DERA: variants seen among roughly 807,000 people sequenced by gnomAD.
DERA encodes deoxyribose-phosphate aldolase, also known as 2-deoxy-D-ribose 5-phosphate aldolase.
A neutral mutation model predicts 41.1 loss-of-function variants in DERA; 15 were observed. That is an observed-to-expected ratio of 0.37 (90% CI 0.24 to 0.56). The LOEUF (loss-of-function observed/expected upper bound fraction) is 0.56. Ranked by LOEUF, DERA falls within the 20% of genes least tolerant of loss-of-function variation. The pLI is 0.81. For missense variants in DERA, 396 were observed against 403.4 expected (o/e 0.98, Z 0.16); for synonymous variants, 139 against 137.4 (o/e 1.01, Z -0.08).
chr12:15,940,277 A>G lies in DERA; in HGVS notation c.32-16659A>G, dbSNP rs1284794106. On this transcript the variant is annotated intron_variant, in intron 1 of 8. Coordinates refer to ENST00000428559, the MANE Select transcript of DERA (RefSeq NM_015954.4). This position sits in a 1 kb window ranked among gnomAD's most constrained non-coding sequence, Gnocchi z 5.1. ...TGTTTGAGGCATCTATGACTCTGCTATGAAACTGATATTTTCTAGTATTTT... is the reference window on the plus strand; with the variant it reads ...TGTTTGAGGCATCTATGACTCTGCTGTGAAACTGATATTTTCTAGTATTTT... Among the ~76,000 whole-genome samples, 1 of 152,194 alleles carries G rather than the reference A, an allele frequency of 6.6e-6. No individual in the cohort carries two copies. The highest frequency in any genetic ancestry group is 1.5e-5 in the Non-Finnish European group (1 of 68,044).
rs3782550 is a variant in DERA, at chr12:15,965,936, G to T, written c.508+2989G>T. ...CTATCTATTGGGCATTCTTTCTTCCGTGTCATCAGCCTTTCTGCCAGCTCA... is the reference window on the plus strand; with the variant it reads ...CTATCTATTGGGCATTCTTTCTTCCTTGTCATCAGCCTTTCTGCCAGCTCA... On this transcript the variant is annotated intron_variant, in intron 5 of 8. Transcript: ENST00000428559. The surrounding 1 kb of genome is among the most constrained non-coding windows in gnomAD (Gnocchi z 4.1). Among the ~76,000 whole-genome samples, 1 of 151,886 alleles carries T rather than the reference G, an allele frequency of 6.6e-6. No homozygotes were observed. The highest frequency in any genetic ancestry group is 6.6e-5 in the Admixed American group (1 of 15,240).
chr12:16,033,621 G>GTGTA (rs1565620537), intron 7 of DERA, among the ~76,000 whole-genome samples: 3 of 150,634 alleles, frequency 2.0e-5, no homozygotes, highest in Non-Finnish European at 4.4e-5. Context: ...GTGTGTGTGT[G>GTGTA]TGTTTAATGA....
chr12:15,969,685 A>C (rs951844900), intron 5 of DERA, among the ~76,000 whole-genome samples: 2 of 152,220 alleles, frequency 1.3e-5, no homozygotes, highest in African/African-American at 4.8e-5. Flanking sequence ...ATTTTCTTAC[A>C]TGAAGAGAAT....
At position 16,001,771 on chromosome 12, in the gene DERA, T is replaced by C. The variant is rs1325689533; in HGVS notation, c.637+19335T>C. On this transcript the variant is annotated intron_variant, in intron 6 of 8. Transcript: ENST00000428559. The surrounding 1 kb of genome is among the most constrained non-coding windows in gnomAD (Gnocchi z 4.1). ...TTAGGAGAACACTAAGACCGAATGC[T>C]CTGTCTCCTGCTTCCCTGAGTCAGA... Among the ~76,000 whole-genome samples, 5 of 152,218 alleles carry C rather than the reference T, an allele frequency of 3.3e-5. No individual in the cohort carries two copies. The highest frequency in any genetic ancestry group is 1.2e-4 in the African/African-American group (5 of 41,450).
At chr12:16,028,515 C>T (rs1318364989) in intron 6 of DERA, among the ~76,000 whole-genome samples, 1 of 152,154 alleles carries the variant, frequency 6.6e-6, no homozygotes. Context: ...TTATAACTTC[C>T]CACTCCTTAA....
At chr12:15,933,223 T>C (rs1359075865) in intron 1 of DERA, among the ~76,000 whole-genome samples, 1 of 152,186 alleles carries the variant, frequency 6.6e-6, no homozygotes, top group Non-Finnish European at 1.5e-5. Flanking sequence ...GTTCTGTTTT[T>C]AATTTTTTGA....
chr12:15,933,124 G>T (rs1360403568), intron 1 of DERA, among the ~76,000 whole-genome samples: 4 of 152,190 alleles, frequency 2.6e-5, no homozygotes, highest in Admixed American at 2.6e-4. Context: ...GTGCTGCAGT[G>T]AACGTGGTAG....
At position 15,936,855 on chromosome 12, in the gene DERA, C is replaced by CTTGTG. The variant is rs370911113; in HGVS notation, c.32-20077_32-20076insGTTGT. On this transcript the variant is annotated intron_variant, in intron 1 of 8. Transcript: ENST00000428559. This position sits in a 1 kb window ranked among gnomAD's most constrained non-coding sequence, Gnocchi z 4.6. ...TTCTGCATCTTCTGTCTTGTGTTGT[C>CTTGTG]TTGTCTTGTCTTGTCTTGTCTTGTC... 0.012 allele frequency among the ~76,000 whole-genome samples: 1,505 copies of CTTGTG among 128,222 alleles called. 20 individuals carry two copies. Among genetic ancestry groups the CTTGTG allele is most frequent in the African/African-American group, 0.045 (1,389 of 30,910 alleles). The allele number at this position is 128,222 out of a possible 152,430, so 84.1% of individuals were successfully genotyped here.
rs561082444 is a variant in DERA at position 15,966,916 on chromosome 12, G to C, written c.508+3969G>C. 4.6e-5 allele frequency among the ~76,000 whole-genome samples: 7 copies of C among 152,196 alleles called. No individual in the cohort carries two copies. In the South Asian group the frequency reaches 8.3e-4, roughly 18 times the overall value. On this transcript the variant is annotated intron_variant, in intron 5 of 8. Transcript: ENST00000428559. This position sits in a 1 kb window ranked among gnomAD's most constrained non-coding sequence, Gnocchi z 5.1. ...ACCTCCTGAGCACCAGGACCACCTG[G>C]ACCCGGGGCCACCTGCTCCAGAACT... is the stretch of plus-strand genomic sequence containing the variant.
Position 15,966,318 on chromosome 12 carries a change from G to A in DERA, c.508+3371G>A, listed in dbSNP as rs535988872. On this transcript the variant is annotated intron_variant, in intron 5 of 8. Transcript: ENST00000428559. This position sits in a 1 kb window ranked among gnomAD's most constrained non-coding sequence, Gnocchi z 5.1. Reference sequence around the variant, plus strand: ...ATCTCTACTAAATATACAAAGATTCGTTGGGCATGGTGGCACATGCCTGTA... The same window carrying A: ...ATCTCTACTAAATATACAAAGATTCATTGGGCATGGTGGCACATGCCTGTA... Among the ~76,000 whole-genome samples the A allele has an allele frequency of 1.3e-5, 2 of 152,226 alleles. No individual in the cohort carries two copies. The highest frequency in any genetic ancestry group is 2.1e-4 in the South Asian group (1 of 4,822).
At chr12:15,927,864 G>A (rs948995792) in intron 1 of DERA, among the ~76,000 whole-genome samples, 3 of 151,872 alleles carry the variant, frequency 2.0e-5, no homozygotes, top group Non-Finnish European at 2.9e-5. Context: ...GAGATTACAC[G>A]GATGAGATTT....
chr12:15,989,621 T>G lies in DERA; in HGVS notation c.637+7185T>G, dbSNP rs1295246466. 4.6e-5 allele frequency among the ~76,000 whole-genome samples: 7 copies of G among 152,232 alleles called. No homozygotes were observed. In the East Asian group the frequency reaches 9.6e-4, roughly 21 times the overall value. ...TAGCAGGAGGGCGAGTCTGGTGACA[T>G]TCTGTTATGTCTGTTATTCTTCTCT... On this transcript the variant is annotated intron_variant, in intron 6 of 8. Coordinates refer to ENST00000428559, the MANE Select transcript of DERA (RefSeq NM_015954.4). The surrounding 1 kb of genome is among the most constrained non-coding windows in gnomAD (Gnocchi z 5.2).
At chr12:15,948,304 A>G (rs575451118) in intron 1 of DERA, among the ~76,000 whole-genome samples, 1 of 152,200 alleles carries the variant, frequency 6.6e-6, no homozygotes, top group Non-Finnish European at 1.5e-5. Context: ...GTGTTTTCCA[A>G]CTTGGTTCCA....
intron 4 of DERA, 88 bp from the exon 5 acceptor site, chr12:15,962,725 A>G (rs892719080): frequency 7.7e-6 from 9 of 1,163,568 alleles, no homozygotes; most frequent in Admixed American, 4.9e-5. Flanking sequence ...CTACTGACCA[A>G]TTGAAATTTG....
In DERA at chr12:15,970,501, T is replaced by G. The variant is rs1247918663; in HGVS notation, c.508+7554T>G. Among the ~76,000 whole-genome samples, 14 of 152,208 alleles carry G rather than the reference T, an allele frequency of 9.2e-5. No homozygotes were observed. On this transcript the variant is annotated intron_variant, in intron 5 of 8. Coordinates refer to ENST00000428559, the MANE Select transcript of DERA (RefSeq NM_015954.4). This position sits in a 1 kb window ranked among gnomAD's most constrained non-coding sequence, Gnocchi z 4.3. ...TCAAAATTGAGAAGATACCGTCCTT[T>G]CAGGTGGATCCTAGAGAGAAGAAAG...
Position 16,012,299 on chromosome 12 carries a change from C to G in DERA, c.638-20243C>G, listed in dbSNP as rs1392116734. On this transcript the variant is annotated intron_variant, in intron 6 of 8. Transcript: ENST00000428559. The surrounding 1 kb of genome is among the most constrained non-coding windows in gnomAD (Gnocchi z 4.1). The stretch of plus-strand genomic sequence containing the variant: ...ACTGAAAGCAAAGCCAGTTCCAGAA[C>G]AGGATTAAGGGGCCAGCCAGCTGGG... 6.6e-6 allele frequency among the ~76,000 whole-genome samples: 1 copy of G among 152,192 alleles called. No homozygotes were observed. Among genetic ancestry groups the G allele is most frequent in the Non-Finnish European group, 1.5e-5 (1 of 68,042 alleles).
At chr12:16,015,684 G>A (rs1420050462) in intron 6 of DERA, among the ~76,000 whole-genome samples, 13 of 152,112 alleles carry the variant, frequency 8.5e-5, no homozygotes, top group Non-Finnish European at 1.3e-4. Context: ...AACCAATGAC[G>A]GGTTACATCT....
At chr12:15,974,527 A>G (rs765958080) in intron 5 of DERA, among the ~76,000 whole-genome samples, 6 of 152,158 alleles carry the variant, frequency 3.9e-5, no homozygotes, top group East Asian at 1.9e-4. Context: ...GTTCTTCTCA[A>G]TGCATTATTT....
In DERA at chr12:15,999,916, T is replaced by C. The variant is rs1948863250; in HGVS notation, c.637+17480T>C. On this transcript the variant is annotated intron_variant, in intron 6 of 8. Transcript: ENST00000428559. The surrounding 1 kb of genome is among the most constrained non-coding windows in gnomAD (Gnocchi z 5.3). ...AGATTTTCATTTTAGGGACATAACC[T>C]TTGGGCAATGTGTTTAGGCTGGAGA... 2.0e-5 allele frequency among the ~76,000 whole-genome samples: 3 copies of C among 152,288 alleles called. No individual in the cohort carries two copies.
Sources: allele counts gnomAD v4.1 joint callset (sites outside exome capture counted in the v4.1 genomes callset), GRCh38; gene constraint gnomAD v4.1.1; non-coding constraint Gnocchi (gnomAD v3.1); transcripts MANE v1.5; gene names NCBI Gene and HGNC (gene_info 2026-07-23, HGNC 2026-07-21).